Variants in OXR1 observed in about 807,000 individuals in gnomAD.
OXR1 encodes the protein oxidation resistance protein 1.
In OXR1, 41 loss-of-function variants were observed where a neutral mutation model predicts 104.6. The ratio of observed to expected loss-of-function variants is 0.39; its 90% CI spans 0.31 to 0.51. The LOEUF (loss-of-function observed/expected upper bound fraction) is 0.51, where lower values mean the gene tolerates loss of function less well. OXR1 is among the 20% of genes least tolerant of loss of function. OXR1 has a pLI of 0.77. For missense variants in OXR1, 955 were observed against 1,031.9 expected (o/e 0.93, Z 1.02); for synonymous variants, 348 against 348.4 (o/e 1.00, Z 0.01).
At chr8:106,661,174 T>A (rs1310133633) in intron 3 of OXR1, among the ~76,000 whole-genome samples, 1 of 152,140 alleles carries the variant, frequency 6.6e-6, no homozygotes, top group Admixed American at 6.5e-5. Flanking sequence ...TAAGATTCCA[T>A]CTCAAACAAA....
intron 3 of OXR1, among the ~76,000 whole-genome samples, chr8:106,545,452 T>C (rs558070019): frequency 6.6e-6 from 1 of 152,170 alleles, no homozygotes; most frequent in East Asian, 1.9e-4. Context: ...GAAAAAACTA[T>C]AAAGAACACA....
intron 2 of OXR1, among the ~76,000 whole-genome samples, chr8:106,453,054 G>A (rs1159700606): frequency 1.3e-5 from 2 of 152,076 alleles, no homozygotes; most frequent in African/African-American, 4.8e-5. Flanking sequence ...CTCTGCCCAG[G>A]ATGCCCTTTC....
At chr8:106,388,589 A>G (rs1410102375) in intron 2 of OXR1, among the ~76,000 whole-genome samples, 1 of 151,886 alleles carries the variant, frequency 6.6e-6, no homozygotes, top group South Asian at 2.1e-4. Flanking sequence ...CACCTGGCTA[A>G]TTTTTTGTAT....
At chr8:106,574,199 TA>T (rs1215396812) in intron 3 of OXR1, among the ~76,000 whole-genome samples, 4 of 151,532 alleles carry the variant, frequency 2.6e-5, no homozygotes, top group Non-Finnish European at 5.9e-5. Context: ...TTTGCTCCTA[TA>T]AAAAAGCCCC....
chr8:106,423,377 A>G (rs770433525), intron 2 of OXR1, among the ~76,000 whole-genome samples: 14 of 152,156 alleles, frequency 9.2e-5, no homozygotes, highest in Non-Finnish European at 1.5e-4. Flanking sequence ...CAGCAGTCCC[A>G]GGTGTTCACT....
rs58749938 is a variant in OXR1 at position 106,751,279 on chromosome 8, A to ATT, written c.*350_*351dup. On this transcript the variant is annotated 3_prime_UTR_variant, in exon 17 of 17. Coordinates refer to ENST00000517566, the MANE Select transcript of OXR1 (RefSeq NM_001198533.2). The stretch of plus-strand genomic sequence containing the variant: ...GTGCTCTTTTGTTGAACCTGTATTG[A>ATT]TTTTTTTTTTTTTAACTATATTGAT... 5.1e-4 allele frequency: 80 copies of ATT among 155,570 alleles called. No individual in the cohort carries two copies. In the East Asian group the frequency reaches 0.013, roughly 25 times the overall value. 9.6% of individuals were successfully genotyped at this position (155,570 alleles called of 1,614,324 possible).
At chr8:106,656,335 G>C (rs1447529850) in intron 3 of OXR1, 1 of 152,274 alleles carries the variant, frequency 6.6e-6, no homozygotes, top group Non-Finnish European at 1.5e-5. Flanking sequence ...ACCTTCTTCT[G>C]GTTTGCAAAC....
intron 3 of OXR1, among the ~76,000 whole-genome samples, chr8:106,650,187 G>A (rs879000522): frequency 6.6e-6 from 1 of 152,078 alleles, no homozygotes; most frequent in Admixed American, 6.5e-5. Context: ...TGTTTTACAG[G>A]CACTCTTGTA....
At chr8:106,281,460 G>A (rs1313909202) in intron 1 of OXR1, among the ~76,000 whole-genome samples, 1 of 152,184 alleles carries the variant, frequency 6.6e-6, no homozygotes, top group Non-Finnish European at 1.5e-5. Context: ...CAGGAGCCAT[G>A]AAAGTTTCAT....
At chr8:106,727,779 G>A (rs1380979117) in intron 11 of OXR1, among the ~76,000 whole-genome samples, 2 of 152,110 alleles carry the variant, frequency 1.3e-5, no homozygotes, top group East Asian at 1.9e-4. Context: ...TTTCATGCCT[G>A]AGCAAGAATG....
chr8:106,616,800 ATTTG>A (rs1253494191), intron 3 of OXR1, among the ~76,000 whole-genome samples: 3 of 152,234 alleles, frequency 2.0e-5, no homozygotes, highest in Non-Finnish European at 2.9e-5. Context: ...GTTTTTGACA[ATTTG>A]TTTATCTTTT....
chr8:106,423,433 G>T (rs1435150685), intron 2 of OXR1, among the ~76,000 whole-genome samples: 1 of 152,104 alleles, frequency 6.6e-6, no homozygotes. Context: ...CATTTAAGGA[G>T]CGATTTCTGT....
chr8:106,502,615 A>G (rs1192188668), intron 2 of OXR1, among the ~76,000 whole-genome samples: 2 of 152,198 alleles, frequency 1.3e-5, no homozygotes, highest in African/African-American at 2.4e-5. Flanking sequence ...AGATTCACCT[A>G]TAATTTTTGC....
intron 2 of OXR1, among the ~76,000 whole-genome samples, chr8:106,471,575 G>T (rs551290543): frequency 1.3e-5 from 2 of 151,770 alleles, no homozygotes; most frequent in African/African-American, 4.8e-5. Context: ...CATAGACCTG[G>T]TGCTGAAGCT....
chr8:106,651,499 C>G (rs942255951), intron 3 of OXR1, among the ~76,000 whole-genome samples: 1 of 152,058 alleles, frequency 6.6e-6, no homozygotes, highest in Non-Finnish European at 1.5e-5. Context: ...GTTACTGCAC[C>G]ATTTATTGAA....
At chr8:106,696,268 G>C (rs991706517) in intron 7 of OXR1, among the ~76,000 whole-genome samples, 1 of 152,144 alleles carries the variant, frequency 6.6e-6, no homozygotes, top group Non-Finnish European at 1.5e-5. Flanking sequence ...AGCAATGTGT[G>C]TTTAAGATTC....
At chr8:106,291,233 A>G (rs918215677) in intron 1 of OXR1, among the ~76,000 whole-genome samples, 4 of 152,186 alleles carry the variant, frequency 2.6e-5, no homozygotes, top group African/African-American at 9.6e-5. Flanking sequence ...GGAGCTAAAT[A>G]TTGAGAACAC....
intron 2 of OXR1, among the ~76,000 whole-genome samples, chr8:106,362,039 G>C (rs1196394151): frequency 6.6e-6 from 1 of 152,156 alleles, no homozygotes; most frequent in Non-Finnish European, 1.5e-5. Context: ...GGATACACCT[G>C]TCAATAGAGG....
At chr8:106,341,890 T>C (rs567582248) in intron 1 of OXR1, among the ~76,000 whole-genome samples, 6 of 152,000 alleles carry the variant, frequency 3.9e-5, no homozygotes, top group Admixed American at 1.3e-4. Context: ...TTTTTTTCTT[T>C]TTAGGTAAAA....
Sources: gnomAD v4.1 joint callset for allele counts (sites outside exome capture counted in the v4.1 genomes callset) on GRCh38, gnomAD v4.1.1 for gene constraint, MANE v1.5 for transcripts, NCBI Gene and HGNC (gene_info 2026-07-23, HGNC 2026-07-21) for gene names.